The following NALF1 variants were observed in gnomAD, a reference collection of about 807,000 sequenced individuals.
The protein encoded by NALF1 is family with sequence similarity 155 member A.
NALF1 carries 3 observed loss-of-function variants against 48.4 expected under a neutral mutation model. That is an observed-to-expected ratio of 0.06 (90% CI 0.03 to 0.16). The LOEUF is 0.16. NALF1 is among the 10% of genes least tolerant of loss of function. The pLI is 1.00. For missense variants in NALF1, 526 were observed against 571.5 expected (o/e 0.92, Z 0.81); for synonymous variants, 262 against 245.7 (o/e 1.07, Z -0.62).
intron 1 of NALF1, among the ~76,000 whole-genome samples, chr13:107,803,817 C>T (rs1024775263): frequency 6.6e-6 from 1 of 152,066 alleles, no homozygotes; most frequent in African/African-American, 2.4e-5. Flanking sequence ...TCTAATAACA[C>T]GATGGTTTCA....
intron 1 of NALF1, among the ~76,000 whole-genome samples, chr13:107,505,369 T>C (rs1875662060): frequency 6.6e-6 from 1 of 152,120 alleles, no homozygotes; most frequent in African/African-American, 2.4e-5. Flanking sequence ...AGGGAAGCTG[T>C]CAGAGGGTTT....
At chr13:107,693,214 A>G (rs1276682823) in intron 1 of NALF1, among the ~76,000 whole-genome samples, 2 of 152,126 alleles carry the variant, frequency 1.3e-5, no homozygotes, top group South Asian at 2.1e-4. Flanking sequence ...TGAGCAAACT[A>G]TCACAAGGAC....
At chr13:107,769,582 C>G (rs890814693) in intron 1 of NALF1, among the ~76,000 whole-genome samples, 9 of 150,260 alleles carry the variant, frequency 6.0e-5, no homozygotes, top group East Asian at 2.0e-4. Flanking sequence ...GGAGATATAC[C>G]TAATGCTAGA....
rs1469733940 is a variant in NALF1 at position 107,535,768 on chromosome 13, A to G, written c.916-325013T>C. Among the ~76,000 whole-genome samples, 100 of 152,206 alleles carry G rather than the reference A, an allele frequency of 6.6e-4. 1 individual carries two copies. Among genetic ancestry groups the G allele is most frequent in the Admixed American group, 6.5e-3 (99 of 15,284 alleles). On this transcript the variant is annotated intron_variant, in intron 1 of 2. Transcript: ENST00000375915. ...AACCAAAAAAGAGTCCACATTGCCA[A>G]GACAATCCTAAGCCAAAAGAACAAA...
At chr13:107,768,576 C>T (rs1291601572) in intron 1 of NALF1, among the ~76,000 whole-genome samples, 1 of 152,098 alleles carries the variant, frequency 6.6e-6, no homozygotes, top group Non-Finnish European at 1.5e-5. Context: ...TGGAATCATT[C>T]TCGGAATAAC....
intron 2 of NALF1, among the ~76,000 whole-genome samples, chr13:107,187,417 C>T (rs1594060988): frequency 6.8e-6 from 1 of 147,230 alleles, no homozygotes; most frequent in East Asian, 1.9e-4. Context: ...TCTCTCATCA[C>T]CTTTAATTGT....
At chr13:107,535,832 C>T (rs1181128491) in intron 1 of NALF1, among the ~76,000 whole-genome samples, 6 of 152,150 alleles carry the variant, frequency 3.9e-5, no homozygotes, top group Non-Finnish European at 8.8e-5. Flanking sequence ...AACTATACTA[C>T]AAGGCTACAG....
At chr13:107,711,358 C>T (rs569762131) in intron 1 of NALF1, among the ~76,000 whole-genome samples, 9 of 152,294 alleles carry the variant, frequency 5.9e-5, no homozygotes, top group East Asian at 1.9e-4. Flanking sequence ...ATTTTTGAGA[C>T]GAAGTCTCGC....
intron 1 of NALF1, among the ~76,000 whole-genome samples, chr13:107,782,953 G>A (rs1206886717): frequency 1.4e-4 from 21 of 146,342 alleles, no homozygotes; most frequent in Admixed American, 2.7e-4. Context: ...CAGCCGCCCC[G>A]TCCGGGAGGG....
chr13:107,851,717 G>C (rs186263396), intron 1 of NALF1, among the ~76,000 whole-genome samples: 1 of 151,168 alleles, frequency 6.6e-6, no homozygotes, highest in East Asian at 2.0e-4. Flanking sequence ...AAGTGGGACC[G>C]TTTGAAAAGG....
intron 2 of NALF1, among the ~76,000 whole-genome samples, chr13:107,198,895 C>T (rs537161474): frequency 9.9e-5 from 15 of 152,274 alleles, no homozygotes; most frequent in African/African-American, 2.4e-4. Context: ...CCTTTTTATA[C>T]GCTGTTATGG....
At chr13:107,624,583 TAGC>T (rs1566419765) in intron 1 of NALF1, among the ~76,000 whole-genome samples, 2 of 152,192 alleles carry the variant, frequency 1.3e-5, no homozygotes, top group Non-Finnish European at 1.5e-5. Context: ...ATCATTTTAA[TAGC>T]AGCAGAGCAC....
At chr13:107,501,331 A>T (rs1180350672) in intron 1 of NALF1, among the ~76,000 whole-genome samples, 1 of 152,166 alleles carries the variant, frequency 6.6e-6, no homozygotes, top group East Asian at 1.9e-4. Flanking sequence ...TTTCCAACCC[A>T]GGCAAATGCA....
chr13:107,716,369 T>A (rs1276172234), intron 1 of NALF1, among the ~76,000 whole-genome samples: 1 of 152,168 alleles, frequency 6.6e-6, no homozygotes, highest in Non-Finnish European at 1.5e-5. Flanking sequence ...CATATATTGC[T>A]CTTTAACCCG....
intron 1 of NALF1, among the ~76,000 whole-genome samples, chr13:107,750,672 A>G: frequency 6.6e-6 from 1 of 152,208 alleles, no homozygotes; most frequent in East Asian, 1.9e-4. Context: ...CGCTACAGTC[A>G]CTTAATCCAA....
At chr13:107,767,190 A>G (rs1380288639) in intron 1 of NALF1, among the ~76,000 whole-genome samples, 1 of 152,222 alleles carries the variant, frequency 6.6e-6, no homozygotes, top group Non-Finnish European at 1.5e-5. Context: ...GTAAATCATT[A>G]ACAACATTGA....
At chr13:107,746,689 A>G (rs1007874394) in intron 1 of NALF1, among the ~76,000 whole-genome samples, 1 of 152,196 alleles carries the variant, frequency 6.6e-6, no homozygotes, top group Non-Finnish European at 1.5e-5. Flanking sequence ...TTAACAGGAA[A>G]GGAACACTTG....
At chr13:107,439,381 TC>T (rs1250888353) in intron 1 of NALF1, among the ~76,000 whole-genome samples, 1 of 152,226 alleles carries the variant, frequency 6.6e-6, no homozygotes, top group African/African-American at 2.4e-5. Flanking sequence ...CCTCTGTTCT[TC>T]CCCTTTAAAC....
intron 1 of NALF1, among the ~76,000 whole-genome samples, chr13:107,794,767 A>T (rs1291011379): frequency 1.3e-5 from 2 of 152,064 alleles, no homozygotes; most frequent in African/African-American, 2.4e-5. Context: ...ACCACATAGG[A>T]AGCACTGAAT....
Sources: gnomAD v4.1 joint callset for allele counts (sites outside exome capture counted in the v4.1 genomes callset) on GRCh38, gnomAD v4.1.1 for gene constraint, MANE v1.5 for transcripts, NCBI Gene and HGNC (gene_info 2026-07-23, HGNC 2026-07-21) for gene names.